CAST: variants seen among roughly 807,000 people sequenced by gnomAD.
The protein encoded by CAST is MIR583 host.
CAST carries 76 observed loss-of-function variants against 119.6 expected under a neutral mutation model. That is an observed-to-expected ratio of 0.64 (90% CI 0.53 to 0.77). CAST has a LOEUF of 0.77. Ranked by LOEUF, CAST falls within the 30% of genes least tolerant of loss-of-function variation. CAST has a pLI of 0.00. For synonymous variants in CAST, 319 were observed against 331.6 expected, an observed-to-expected ratio of 0.96 and a Z score of 0.41; for missense variants, 953 against 946.5, an observed-to-expected ratio of 1.01 and a Z score of -0.09.
chr5:96,623,736 C>T (rs756019569), intron 1 of CAST, among the ~76,000 whole-genome samples: 1 of 152,156 alleles, frequency 6.6e-6, no homozygotes, highest in African/African-American at 2.4e-5. Context: ...AAAACAGTGC[C>T]TTGCTCTGTT....
At chr5:96,081,346 A>G in the CAST span, among the ~76,000 whole-genome samples, 1 of 152,224 alleles carries the variant, frequency 6.6e-6, no homozygotes, top group Non-Finnish European at 1.5e-5. Flanking sequence ...TGCACAGGGC[A>G]TCCAGGTGGA....
chr5:95,996,677 A>G, the CAST span, among the ~76,000 whole-genome samples: 6 of 152,198 alleles, frequency 3.9e-5, no homozygotes, highest in Non-Finnish European at 7.4e-5. Context: ...ACTTCAGTGT[A>G]CATAATAATC....
chr5:96,758,903 T>C (rs1486668264), intron 24 of CAST, among the ~76,000 whole-genome samples: 1 of 152,176 alleles, frequency 6.6e-6, no homozygotes, highest in Non-Finnish European at 1.5e-5. Flanking sequence ...AGCATTACAC[T>C]GAGGCAGAAC....
chr5:96,452,949 T>A, the CAST span, among the ~76,000 whole-genome samples: 1 of 57,740 alleles, frequency 1.7e-5, no homozygotes, highest in Non-Finnish European at 2.5e-5. Flanking sequence ...AGAGCGAGAC[T>A]CCGTCTCAAA....
chr5:96,672,371 CTTTTCTGTCCGTTGGAAAT>C (rs1315451157), intron 1 of CAST, among the ~76,000 whole-genome samples: 1 of 152,082 alleles, frequency 6.6e-6, no homozygotes, highest in Non-Finnish European at 1.5e-5. Context: ...ATTCTTTCAA[CTTTTCTGTCCGTTGGAAAT>C]TTTTCATAAT....
chr5:96,420,310 A>G, the CAST span, among the ~76,000 whole-genome samples: 1 of 152,212 alleles, frequency 6.6e-6, no homozygotes, highest in African/African-American at 2.4e-5. Context: ...GCTGTGCCCC[A>G]AAAGAGTAGA....
At chr5:96,467,974 G>A in the CAST span, among the ~76,000 whole-genome samples, 5 of 151,938 alleles carry the variant, frequency 3.3e-5, no homozygotes, top group Admixed American at 6.6e-5. Flanking sequence ...GCAAAGATAC[G>A]GAACCAACCT....
chr5:96,076,012 T>G, the CAST span, among the ~76,000 whole-genome samples: 1 of 152,206 alleles, frequency 6.6e-6, no homozygotes, highest in Non-Finnish European at 1.5e-5. Context: ...GAACGTTGTC[T>G]GGGCATCCTA....
chr5:96,538,743 C>T (rs1449579934), intron 1 of CAST, among the ~76,000 whole-genome samples: 1 of 60,678 alleles, frequency 1.6e-5, no homozygotes, highest in African/African-American at 5.2e-5. Context: ...CCCCCCCACA[C>T]ACACACCGCT....
At chr5:96,098,872 A>C in the CAST span, among the ~76,000 whole-genome samples, 1 of 152,188 alleles carries the variant, frequency 6.6e-6, no homozygotes, top group African/African-American at 2.4e-5. Context: ...GGTCAATTGT[A>C]GTTTAATAGG....
the CAST span, among the ~76,000 whole-genome samples, chr5:96,161,055 A>G: frequency 6.6e-6 from 1 of 152,006 alleles, no homozygotes; most frequent in Non-Finnish European, 1.5e-5. Context: ...ACCTTTCTGT[A>G]TGTTGTTTTT....
the CAST span, among the ~76,000 whole-genome samples, chr5:96,030,698 T>C: frequency 6.6e-6 from 1 of 152,172 alleles, no homozygotes; most frequent in Non-Finnish European, 1.5e-5. Context: ...TTCTGGGATT[T>C]GCCATAGTAA....
At chr5:96,297,688 C>T in the CAST span, among the ~76,000 whole-genome samples, 133 of 152,158 alleles carry the variant, frequency 8.7e-4, 1 homozygote, top group Admixed American at 8.7e-3. Flanking sequence ...GAACTAGGCT[C>T]AAGTAATCTG....
At chr5:96,054,095 T>C in the CAST span, among the ~76,000 whole-genome samples, 1 of 152,190 alleles carries the variant, frequency 6.6e-6, no homozygotes, top group African/African-American at 2.4e-5. Context: ...GAGACCTTGT[T>C]TTTTCCATTC....
the CAST span, among the ~76,000 whole-genome samples, chr5:96,511,359 G>T: frequency 6.6e-6 from 1 of 152,074 alleles, no homozygotes; most frequent in African/African-American, 2.4e-5. Flanking sequence ...GGCCAGGATG[G>T]TCTCGATCTC....
In CAST at chr5:96,766,290, G is replaced by A. The variant is rs949841974; in HGVS notation, c.2130+145G>A. ...CTGCTTCTAATGTGTCACCAAAGCC[G>A]ACCAGCAGGTAAATATTTATTTGAG... On this transcript the variant is annotated intron_variant, in intron 27 of 31. Coordinates refer to ENST00000675179, the MANE Select transcript of CAST (RefSeq NM_001750.7). 3.2e-5 allele frequency: 18 copies of A among 557,750 alleles called. No homozygotes were observed. The East Asian group carries it at 4.4e-4, about 14-fold the overall frequency. The allele number at this position is 557,750 out of a possible 1,614,324, so 34.6% of individuals were successfully genotyped here. A position where few individuals can be genotyped will look rare whatever the true frequency, so the allele number is the denominator to read the frequency against.
the CAST span, among the ~76,000 whole-genome samples, chr5:96,277,323 C>T: frequency 1.3e-5 from 2 of 152,124 alleles, no homozygotes; most frequent in Non-Finnish European, 2.9e-5. Context: ...AATTCCATTT[C>T]CCCACTTTCT....
chr5:96,523,025 C>T (rs1745542181), upstream of CAST, among the ~76,000 whole-genome samples: 1 of 152,254 alleles, frequency 6.6e-6, no homozygotes. Flanking sequence ...TCCTCACCTC[C>T]GCAGTTGCCT....
chr5:96,175,689 A>G, the CAST span, among the ~76,000 whole-genome samples: 1 of 152,166 alleles, frequency 6.6e-6, no homozygotes, highest in Non-Finnish European at 1.5e-5. Context: ...CTATGGAACA[A>G]TGTGTGTTAG....
Sources: gnomAD v4.1 joint callset for allele counts (sites outside exome capture counted in the v4.1 genomes callset) on GRCh38, gnomAD v4.1.1 for gene constraint, MANE v1.5 for transcripts, NCBI Gene and HGNC (gene_info 2026-07-23, HGNC 2026-07-21) for gene names.